Variants in CSMD1 observed in about 807,000 individuals in gnomAD.
CSMD1 encodes CUB and Sushi multiple domains 1, also known as CUB and sushi domain-containing protein 1.
In CSMD1, 213 loss-of-function variants were observed where a neutral mutation model predicts 417.5. The observed-to-expected ratio is 0.51, with a 90% CI of 0.46 to 0.57. CSMD1 has a LOEUF of 0.57. Ranked by LOEUF, CSMD1 falls within the 20% of genes least tolerant of loss-of-function variation. The pLI is 0.00. For synonymous variants in CSMD1, 2,862 were observed against 1,736.8 expected, an observed-to-expected ratio of 1.65 and a Z score of -16.11; for missense variants, 6,923 against 4,529.7, an observed-to-expected ratio of 1.53 and a Z score of -15.17.
intron 2 of CSMD1, among the ~76,000 whole-genome samples, chr8:4,569,107 G>C (rs1300583720): frequency 1.3e-5 from 2 of 151,890 alleles, no homozygotes; most frequent in East Asian, 1.9e-4. Flanking sequence ...TGATAGTTTT[G>C]TTTGTTTGTT....
At chr8:4,015,748 A>G (rs946160905) in intron 4 of CSMD1, among the ~76,000 whole-genome samples, 2 of 151,560 alleles carry the variant, frequency 1.3e-5, no homozygotes, top group Non-Finnish European at 2.9e-5. Flanking sequence ...ATGTGTTTTG[A>G]CATGTTTAGG....
In CSMD1 at chr8:3,486,451, T is replaced by G. The variant is rs78439531; in HGVS notation, c.1448+7172A>C. On this transcript the variant is annotated intron_variant, in intron 11 of 69. Coordinates refer to ENST00000635120, the MANE Select transcript of CSMD1 (RefSeq NM_033225.6). ...GATGAAAAACAAACAATAAAAATCT[T>G]TAAATGCTTTTGACTGATGAATTCT... Among the ~76,000 whole-genome samples, 1,521 of 152,332 alleles carry G rather than the reference T, an allele frequency of 1.0e-2. 48 individuals are homozygous for G. The East Asian group carries it at 0.12, about 12-fold the overall frequency.
intron 1 of CSMD1, among the ~76,000 whole-genome samples, chr8:4,948,131 C>G (rs558655251): frequency 6.6e-6 from 1 of 151,914 alleles, no homozygotes; most frequent in Non-Finnish European, 1.5e-5. Flanking sequence ...TCAATTTATA[C>G]TACTATCATC....
At chr8:4,855,909 GA>G (rs1266946206) in intron 1 of CSMD1, among the ~76,000 whole-genome samples, 2 of 149,830 alleles carry the variant, frequency 1.3e-5, no homozygotes, top group African/African-American at 2.5e-5. Flanking sequence ...AGGAAATACA[GA>G]GAACGCCACA....
At chr8:3,764,801 C>T (rs554126566) in intron 5 of CSMD1, among the ~76,000 whole-genome samples, 10 of 146,742 alleles carry the variant, frequency 6.8e-5, no homozygotes, top group Admixed American at 5.6e-4. Flanking sequence ...GGCTGGAGTG[C>T]AGGGGCACCA....
At position 4,425,770 on chromosome 8, in the gene CSMD1, G is replaced by C. The variant is rs78090206; in HGVS notation, c.303-5705C>G. 4.4e-3 allele frequency among the ~76,000 whole-genome samples: 670 copies of C among 152,216 alleles called. 5 individuals are homozygous for C. The highest frequency in any genetic ancestry group is 0.016 in the African/African-American group (647 of 41,542). On this transcript the variant is annotated intron_variant, in intron 2 of 69. Coordinates refer to ENST00000635120, the MANE Select transcript of CSMD1 (RefSeq NM_033225.6). ...AAGTAAATCCCAATAATCCACACAGGTGTCTTGCAGTAGCAAGTCTTCCTT... is the reference window on the plus strand; with the variant it reads ...AAGTAAATCCCAATAATCCACACAGCTGTCTTGCAGTAGCAAGTCTTCCTT...
At chr8:4,846,786 T>C (rs1194532590) in intron 1 of CSMD1, among the ~76,000 whole-genome samples, 2 of 152,212 alleles carry the variant, frequency 1.3e-5, no homozygotes, top group East Asian at 1.9e-4. Context: ...AGTTAGAAAG[T>C]AAATTAGACA....
chr8:3,247,108 G>A lies in CSMD1; in HGVS notation c.4154-16877C>T, dbSNP rs896507737. 5.9e-5 allele frequency among the ~76,000 whole-genome samples: 9 copies of A among 152,188 alleles called. 1 individual carries two copies. In the East Asian group the frequency reaches 1.5e-3, roughly 26 times the overall value. ...ACAAATATGGTGAGAAGCTGCCTGGGTGAGGTGTCAGGTGTGATGTCTCAT... is the reference window on the plus strand; with the variant it reads ...ACAAATATGGTGAGAAGCTGCCTGGATGAGGTGTCAGGTGTGATGTCTCAT... On this transcript the variant is annotated intron_variant, in intron 26 of 69. Coordinates refer to ENST00000635120, the MANE Select transcript of CSMD1 (RefSeq NM_033225.6).
At chr8:3,970,688 ATATT>A (rs1813020166) in intron 5 of CSMD1, among the ~76,000 whole-genome samples, 2 of 152,134 alleles carry the variant, frequency 1.3e-5, no homozygotes, top group Admixed American at 6.5e-5. Context: ...AATAAAATGT[ATATT>A]TATATGTCCA....
chr8:4,005,361 G>A (rs755239035), intron 4 of CSMD1, among the ~76,000 whole-genome samples: 23 of 152,148 alleles, frequency 1.5e-4, no homozygotes, highest in African/African-American at 4.1e-4. Context: ...ATGCAGGGGC[G>A]GGTCCGGCTC....
intron 3 of CSMD1, among the ~76,000 whole-genome samples, chr8:4,332,461 T>C (rs955965231): frequency 1.3e-5 from 2 of 151,970 alleles, no homozygotes; most frequent in Non-Finnish European, 2.9e-5. Flanking sequence ...CAGTGTGTAC[T>C]GTCTCTCCAA....
At chr8:4,306,636 G>C (rs1252409495) in intron 3 of CSMD1, among the ~76,000 whole-genome samples, 1 of 152,018 alleles carries the variant, frequency 6.6e-6, no homozygotes, top group East Asian at 1.9e-4. Flanking sequence ...TCACACATCT[G>C]GATGTATCCA....
rs1306779495 is a variant in CSMD1 at position 3,256,774 on chromosome 8, G to C, written c.4154-26543C>G. Among the ~76,000 whole-genome samples, 5 of 152,296 alleles carry C rather than the reference G, an allele frequency of 3.3e-5. No individual in the cohort carries two copies. The East Asian group carries it at 7.7e-4, about 23-fold the overall frequency. ...CTCAGAAAAGGGACATCTTGTGTAT[G>C]TTATTTAACCAAAGGCATCTTTTCT... On this transcript the variant is annotated intron_variant, in intron 26 of 69. Coordinates refer to ENST00000635120, the MANE Select transcript of CSMD1 (RefSeq NM_033225.6).
intron 24 of CSMD1, 60 bp from the exon 25 acceptor site, chr8:3,307,881 G>C (rs1269309400): frequency 4.5e-6 from 7 of 1,568,410 alleles, no homozygotes; most frequent in Admixed American, 1.9e-5. Flanking sequence ...TTTCTATTTA[G>C]CTACTTTTCA....
chr8:4,203,413 T>G (rs189748569), intron 3 of CSMD1, among the ~76,000 whole-genome samples: 72 of 152,292 alleles, frequency 4.7e-4, no homozygotes, highest in African/African-American at 1.5e-3. Context: ...CCACTACATT[T>G]GTGGTAATAT....
At chr8:3,886,283 A>G (rs1460957937) in intron 5 of CSMD1, among the ~76,000 whole-genome samples, 1 of 152,158 alleles carries the variant, frequency 6.6e-6, no homozygotes, top group Non-Finnish European at 1.5e-5. Context: ...TCCTGACCTC[A>G]AGTAATCCGA....
chr8:3,831,051 G>C (rs1012145429), intron 5 of CSMD1, among the ~76,000 whole-genome samples: 6 of 152,092 alleles, frequency 3.9e-5, no homozygotes, highest in African/African-American at 1.4e-4. Context: ...ACAGGGTTTG[G>C]GTGTTGGAAA....
At chr8:4,594,465 G>A (rs1800153747) in intron 2 of CSMD1, among the ~76,000 whole-genome samples, 1 of 151,972 alleles carries the variant, frequency 6.6e-6, no homozygotes, top group Non-Finnish European at 1.5e-5. Context: ...CTCCCAAAGT[G>A]CTGGGCTTAA....
At chr8:4,042,930 A>G (rs1423572433) in intron 3 of CSMD1, among the ~76,000 whole-genome samples, 9 of 150,116 alleles carry the variant, frequency 6.0e-5, no homozygotes, top group Non-Finnish European at 1.2e-4. Flanking sequence ...GTTCAAGACC[A>G]GTCTGGCCAA....
Sources: gnomAD v4.1 joint callset for allele counts (sites outside exome capture counted in the v4.1 genomes callset) on GRCh38, gnomAD v4.1.1 for gene constraint, MANE v1.5 for transcripts, NCBI Gene and HGNC (gene_info 2026-07-23, HGNC 2026-07-21) for gene names.